Variants in PVT1 observed in about 807,000 individuals in gnomAD.
PVT1 encodes the protein CXCR4/PVT1 fusion.
In PVT1 at chr8:127,824,924, A is replaced by G. The variant is rs185620659; in HGVS notation, n.372+28853A>G. ...CACTTGAGGTCAGGAGTTCGAGACC[A>G]GCTTGGGCAACATGGTGAAACCGCA... On this transcript the variant is annotated intron_variant and non_coding_transcript_variant, in intron 2 of 10. Coordinates refer to ENST00000651587, the Ensembl canonical transcript of PVT1. 2.5e-3 allele frequency among the ~76,000 whole-genome samples: 379 copies of G among 152,212 alleles called. 1 individual carries two copies. The highest frequency in any genetic ancestry group is 6.8e-3 in the African/African-American group (283 of 41,526).
At chr8:128,005,495 C>T (rs987010953) in intron 4 of PVT1, among the ~76,000 whole-genome samples, 1 of 152,154 alleles carries the variant, frequency 6.6e-6, no homozygotes, top group Admixed American at 6.5e-5. Flanking sequence ...ACAGATATGC[C>T]CTAGTCTTGT....
chr8:128,049,137 G>A (rs376231091), intron 4 of PVT1: 14 of 525,088 alleles, frequency 2.7e-5, no homozygotes, highest in South Asian at 4.2e-5. Context: ...TTTCCTGGCC[G>A]CCAGGCCTCC....
At chr8:127,866,099 C>T (rs1364657225) in intron 2 of PVT1, among the ~76,000 whole-genome samples, 1 of 152,184 alleles carries the variant, frequency 6.6e-6, no homozygotes, top group East Asian at 1.9e-4. Context: ...TTAGGGACCC[C>T]TTCCTCTCCT....
chr8:128,089,117 A>G (rs1586514709), intron 5 of PVT1, among the ~76,000 whole-genome samples: 1 of 152,088 alleles, frequency 6.6e-6, no homozygotes, highest in Non-Finnish European at 1.5e-5. Flanking sequence ...GTGTGGTAAG[A>G]CCCCTTCTCA....
chr8:127,894,173 C>G (rs941859379), intron 3 of PVT1, among the ~76,000 whole-genome samples: 3 of 152,206 alleles, frequency 2.0e-5, no homozygotes, highest in Non-Finnish European at 4.4e-5. Context: ...GCCACCTACA[C>G]TGACATCCTG....
intron 2 of PVT1, among the ~76,000 whole-genome samples, chr8:127,886,165 T>C (rs981414377): frequency 6.6e-6 from 1 of 152,080 alleles, no homozygotes; most frequent in East Asian, 1.9e-4. Context: ...AGAGCACATA[T>C]TGGGTTCAGA....
At chr8:127,943,617 AGT>A (rs899625185) in intron 3 of PVT1, among the ~76,000 whole-genome samples, 1 of 152,150 alleles carries the variant, frequency 6.6e-6, no homozygotes, top group African/African-American at 2.4e-5. Flanking sequence ...CCCAGCTTCC[AGT>A]TGGGACAACC....
intron 2 of PVT1, among the ~76,000 whole-genome samples, chr8:127,860,102 G>T (rs1586410406): frequency 6.6e-6 from 1 of 152,170 alleles, no homozygotes; most frequent in East Asian, 1.9e-4. Context: ...CGGTGTGTGT[G>T]CCTCTGGGCA....
intron 5 of PVT1, among the ~76,000 whole-genome samples, chr8:128,080,065 C>A (rs1814156423): frequency 6.6e-6 from 1 of 152,156 alleles, no homozygotes; most frequent in African/African-American, 2.4e-5. Flanking sequence ...TAGCTTAACA[C>A]CTCATTCGTT....
intron 4 of PVT1, among the ~76,000 whole-genome samples, chr8:128,003,284 T>C (rs1268491891): frequency 1.4e-5 from 2 of 141,962 alleles, no homozygotes; most frequent in Admixed American, 1.4e-4. Context: ...CCTTCCTCTC[T>C]TCTCCTCTCC....
At chr8:128,049,649 A>G (rs1813663688) in intron 4 of PVT1, among the ~76,000 whole-genome samples, 1 of 152,004 alleles carries the variant, frequency 6.6e-6, no homozygotes, top group Admixed American at 6.6e-5. Context: ...GCTCTCTGGT[A>G]TCAGTTTGGA....
At chr8:128,022,496 C>T (rs994560312) in intron 4 of PVT1, among the ~76,000 whole-genome samples, 21 of 152,162 alleles carry the variant, frequency 1.4e-4, no homozygotes, top group African/African-American at 4.8e-4. Context: ...GAAGGCATTT[C>T]CCTGCGCTCA....
chr8:128,077,450 A>C (rs991219337), intron 5 of PVT1, among the ~76,000 whole-genome samples: 1 of 152,152 alleles, frequency 6.6e-6, no homozygotes, highest in African/African-American at 2.4e-5. Flanking sequence ...ATAGGTGCTC[A>C]ATCCACATTT....
Position 128,017,849 on chromosome 8 carries a change from C to G in PVT1, n.912+28558C>G, listed in dbSNP as rs1175533213. 2.0e-5 allele frequency among the ~76,000 whole-genome samples: 3 copies of G among 152,148 alleles called. No homozygotes were observed. In the East Asian group the frequency reaches 5.8e-4, roughly 29 times the overall value. On this transcript the variant is annotated intron_variant and non_coding_transcript_variant, in intron 4 of 10. Coordinates refer to ENST00000651587, the Ensembl canonical transcript of PVT1. ...GATGAGGTCTCTGGGGCTCTCACTC[C>G]TTGTGTCGGGGGTGATGCCACATGT...
intron 2 of PVT1, among the ~76,000 whole-genome samples, chr8:127,804,992 G>A (rs1486819596): frequency 2.7e-5 from 4 of 147,204 alleles, no homozygotes; most frequent in African/African-American, 7.5e-5. Context: ...GGGCAATGGC[G>A]CGATCTCGGC....
At chr8:127,973,799 GA>G (rs1816790968) in intron 3 of PVT1, among the ~76,000 whole-genome samples, 1 of 151,662 alleles carries the variant, frequency 6.6e-6, no homozygotes, top group Non-Finnish European at 1.5e-5. Context: ...CTAACATGGT[GA>G]AACCCCATCT....
chr8:127,905,954 C>T (rs1016897317), intron 3 of PVT1, among the ~76,000 whole-genome samples: 1 of 152,204 alleles, frequency 6.6e-6, no homozygotes, highest in Admixed American at 6.5e-5. Flanking sequence ...TAAAATGGGG[C>T]TATACTAGTT....
intron 2 of PVT1, among the ~76,000 whole-genome samples, chr8:127,822,541 C>T (rs1296501615): frequency 2.0e-5 from 3 of 152,202 alleles, no homozygotes; most frequent in Non-Finnish European, 4.4e-5. Context: ...CACGCTACTG[C>T]ACTCCAGCCT....
At chr8:128,091,288 A>G (rs560846512) in intron 5 of PVT1, among the ~76,000 whole-genome samples, 72 of 152,272 alleles carry the variant, frequency 4.7e-4, no homozygotes, top group Non-Finnish European at 8.8e-4. Context: ...AGATGATTAT[A>G]CAACCTGCAC....
Sources: allele counts gnomAD v4.1 joint callset (sites outside exome capture counted in the v4.1 genomes callset), GRCh38; gene constraint gnomAD v4.1.1; transcripts MANE v1.5; gene names NCBI Gene and HGNC (gene_info 2026-07-23, HGNC 2026-07-21).